Variants in FAM220A observed in about 807,000 individuals in gnomAD.
FAM220A encodes protein FAM220A.
For missense variants in FAM220A, 392 were observed against 321.6 expected (o/e 1.22, Z -1.68); for synonymous variants, 141 against 130.7 (o/e 1.08, Z -0.54).
chr7:6,333,099 G>C (rs991817614), intron 1 of FAM220A, among the ~76,000 whole-genome samples: 2 of 151,252 alleles, frequency 1.3e-5, no homozygotes, highest in African/African-American at 4.9e-5. Flanking sequence ...AGAGGTTGCA[G>C]TGAGCCGAGA....
Position 6,330,916 on chromosome 7 carries a change from C to A in FAM220A, c.239G>T (p.Gly80Val). The A allele has an allele frequency of 6.2e-7, 1 of 1,614,226 alleles. No individual in the cohort carries two copies. Among genetic ancestry groups the A allele is most frequent in the Non-Finnish European group, 8.5e-7 (1 of 1,180,044 alleles). Residue 80 changes from glycine to valine, a missense_variant, in exon 2 of 2, where the codon GGC becomes GTC. Coordinates refer to ENST00000313324, the MANE Select transcript of FAM220A (RefSeq NM_001037163.2). Reference sequence around the variant, plus strand: ...TTCTCTCACATATGGAAGCACTGGGCCGCCACTGTGAAGCCAGAGGCCAGC... The same window carrying A: ...TTCTCTCACATATGGAAGCACTGGGACGCCACTGTGAAGCCAGAGGCCAGC... ...SGAGLWLHSG[G>V]PVLPYVRESV...
chr7:6,334,124 G>C (rs1410205389), intron 1 of FAM220A, among the ~76,000 whole-genome samples: 1 of 151,602 alleles, frequency 6.6e-6, no homozygotes, highest in South Asian at 2.1e-4. Flanking sequence ...GGGATTACAA[G>C]CGTGAGCCAC....
rs762772716 is a variant in FAM220A at position 6,330,601 on chromosome 7, G to A, written c.554C>T (p.Pro185Leu). Residue 185 changes from proline to leucine, a missense_variant, in exon 2 of 2, where the codon CCC becomes CTC. Physicochemically the swap from Pro to Leu is moderately conservative, Grantham distance 98. Coordinates refer to ENST00000313324, the MANE Select transcript of FAM220A (RefSeq NM_001037163.2). ...AGACAGGATGGAGTGCAGGCAAGCG[G>A]GTTCCAACTCAGAGCCCAGACCCTT... is the stretch of plus-strand genomic sequence containing the variant. ...FPKGLGSELE[P>L]ACLHSILSAT... is the part of the protein sequence containing the mutation. 5 of 1,614,138 alleles carry A rather than the reference G, an allele frequency of 3.1e-6. No individual in the cohort carries two copies. The highest frequency in any genetic ancestry group is 4.2e-6 in the Non-Finnish European group (5 of 1,180,038).
chr7:6,344,451 C>T (rs1781921195), intron 1 of FAM220A, among the ~76,000 whole-genome samples: 1 of 152,106 alleles, frequency 6.6e-6, no homozygotes, highest in South Asian at 2.1e-4. Flanking sequence ...CAGACGGGGT[C>T]TTGCTCTGTT....
chr7:6,340,225 C>G (rs1400756117), intron 1 of FAM220A, among the ~76,000 whole-genome samples: 1 of 152,094 alleles, frequency 6.6e-6, no homozygotes, highest in East Asian at 1.9e-4. Flanking sequence ...TGAGAAGCAG[C>G]CAGAATCTTC....
At chr7:6,335,985 C>G (rs1244418152) in intron 1 of FAM220A, among the ~76,000 whole-genome samples, 12 of 152,032 alleles carry the variant, frequency 7.9e-5, no homozygotes. Context: ...TCAGCCTGGT[C>G]TACACGGTGA....
At chr7:6,340,235 C>T (rs990140061) in intron 1 of FAM220A, among the ~76,000 whole-genome samples, 7 of 152,132 alleles carry the variant, frequency 4.6e-5, no homozygotes, top group African/African-American at 1.7e-4. Flanking sequence ...CCAGAATCTT[C>T]TCTGACTACT....
chr7:6,347,023 T>C (rs1313001411), intron 1 of FAM220A, among the ~76,000 whole-genome samples: 1 of 152,130 alleles, frequency 6.6e-6, no homozygotes. Flanking sequence ...AACCTTTCCT[T>C]CCACTAGAAA....
At chr7:6,346,881 G>A (rs911063320) in intron 1 of FAM220A, among the ~76,000 whole-genome samples, 4 of 152,146 alleles carry the variant, frequency 2.6e-5, no homozygotes, top group Non-Finnish European at 5.9e-5. Context: ...ACGCCAGGGA[G>A]CAACCCAAGG....
chr7:6,338,268 T>G (rs1218680854), intron 1 of FAM220A, among the ~76,000 whole-genome samples: 4 of 152,174 alleles, frequency 2.6e-5, no homozygotes, highest in African/African-American at 9.6e-5. Context: ...TTTTCATAGT[T>G]TTTTCTCAGT....
intron 1 of FAM220A, among the ~76,000 whole-genome samples, chr7:6,333,972 A>C (rs374457297): frequency 6.7e-6 from 1 of 148,170 alleles, no homozygotes; most frequent in Non-Finnish European, 1.5e-5. Context: ...TCAGCCTCCC[A>C]AGTAGCTGGG....
rs760742712 is a variant in FAM220A at position 6,330,755 on chromosome 7, C to T, written c.400G>A (p.Gly134Arg). The T allele has an allele frequency of 6.2e-6, 10 of 1,614,044 alleles. No individual in the cohort carries two copies. The highest frequency in any genetic ancestry group is 1.3e-5 in the African/African-American group (1 of 74,920). ...ALGRRDWLGGGPRATDGHRGQ... is the reference protein window; with the variant it reads ...ALGRRDWLGGRPRATDGHRGQ... ...CTGTGGCCGTCAGTGGCCCTGGGCC[C>T]TCCTCCCAGCCAGTCTCGCCGCCCC... is the stretch of plus-strand genomic sequence containing the variant. The change falls in exon 2 of 2, where the codon GGG becomes AGG. Residue 134 changes from glycine (G) to arginine (R), a missense_variant. By Grantham distance (125) the Gly-to-Arg change is moderately radical. Coordinates refer to ENST00000313324, the MANE Select transcript of FAM220A (RefSeq NM_001037163.2).
chr7:6,341,222 A>T (rs896996602), intron 1 of FAM220A, among the ~76,000 whole-genome samples: 4 of 151,356 alleles, frequency 2.6e-5, no homozygotes, highest in Non-Finnish European at 4.4e-5. Flanking sequence ...AGGAGGGTAG[A>T]TCAGGAGGTC....
At chr7:6,342,989 A>G (rs1486405744) in intron 1 of FAM220A, among the ~76,000 whole-genome samples, 2 of 151,704 alleles carry the variant, frequency 1.3e-5, no homozygotes, top group African/African-American at 2.4e-5. Flanking sequence ...GTGAGCTATG[A>G]TCGCACCACT....
At position 6,330,943 on chromosome 7, in the gene FAM220A, C is replaced by G. The variant is rs1380699106; in HGVS notation, c.212G>C (p.Gly71Ala). 6.2e-7 allele frequency: 1 copy of G among 1,614,130 alleles called. No individual in the cohort carries two copies. The highest frequency in any genetic ancestry group is 8.5e-7 in the Non-Finnish European group (1 of 1,180,060). The change falls in exon 2 of 2, where the codon GGG (glycine) becomes GCG (alanine). Residue 71 changes from glycine to alanine, a missense_variant. By Grantham distance (60) the Gly-to-Ala change is moderately conservative. Coordinates refer to ENST00000313324, the MANE Select transcript of FAM220A (RefSeq NM_001037163.2). ...LSLEMRKDPS[G>A]AGLWLHSGGP... is the part of the protein sequence containing the mutation. ...GCCACTGTGAAGCCAGAGGCCAGCC[C>G]CGCTCGGATCCTTTCTCATTTCCAG... is the stretch of plus-strand genomic sequence containing the variant.
intron 1 of FAM220A, among the ~76,000 whole-genome samples, chr7:6,346,696 A>G (rs1294002912): frequency 6.6e-6 from 1 of 152,094 alleles, no homozygotes; most frequent in Non-Finnish European, 1.5e-5. Context: ...TCTTAACTCA[A>G]TTTGGATCAA....
chr7:6,330,387 T>G lies in FAM220A; in HGVS notation c.768A>C (p.Leu256Phe). ...TTCTGCTTGTACCTTAACTATGGCATAATGTATTTGCTAATTCAAAAGGTT... is the reference window on the plus strand; with the variant it reads ...TTCTGCTTGTACCTTAACTATGGCAGAATGTATTTGCTAATTCAAAAGGTT... ...ALQPFELANTLCHS is the reference protein window; with the variant it reads ...ALQPFELANTFCHS Residue 256 changes from leucine to phenylalanine, a missense_variant, in exon 2 of 2, where the codon TTA (leucine) becomes TTC (phenylalanine). Physicochemically the swap from Leu to Phe is conservative, Grantham distance 22 (BLOSUM62 0). Transcript: ENST00000313324. 6.2e-7 allele frequency: 1 copy of G among 1,612,170 alleles called. No individual in the cohort carries two copies.
intron 1 of FAM220A, among the ~76,000 whole-genome samples, chr7:6,347,969 G>A (rs1052987786): frequency 6.6e-5 from 10 of 150,698 alleles, no homozygotes; most frequent in South Asian, 4.2e-4. Context: ...GGAGCGCAAT[G>A]GAGCGATCTC....
At chr7:6,348,524 G>C in intron 1 of FAM220A, 49 bp downstream of exon 1, 3 of 413,818 alleles carry the variant, frequency 7.2e-6, no homozygotes, top group Non-Finnish European at 1.3e-5. Context: ...CCGCGGGCGA[G>C]GCGGGCGCTC....
Sources: allele counts gnomAD v4.1 joint callset (sites outside exome capture counted in the v4.1 genomes callset), GRCh38; gene constraint gnomAD v4.1.1; transcripts MANE v1.5; gene names NCBI Gene and HGNC (gene_info 2026-07-23, HGNC 2026-07-21).